Variants in DNAH6 observed in about 807,000 individuals in gnomAD.
DNAH6 encodes dynein axonemal heavy chain 6, also known as axonemal beta dynein heavy chain 6.
DNAH6 carries 340 observed loss-of-function variants against 491.4 expected under a neutral mutation model. The observed-to-expected ratio is 0.69, with a 90% CI of 0.63 to 0.76. DNAH6 has a LOEUF of 0.76. DNAH6 is among the 30% of genes least tolerant of loss of function. The pLI, the probability that DNAH6 is intolerant of heterozygous loss-of-function variation, is 0.00. For missense variants in DNAH6, 4,443 were observed against 4,972.2 expected (o/e 0.89, Z 3.20); for synonymous variants, 1,603 against 1,686.1 (o/e 0.95, Z 1.21).
At position 84,529,016 on chromosome 2, in the gene DNAH6, C is replaced by G. The variant is rs1401952433; in HGVS notation, c.512C>G (p.Thr171Ser). The G allele has an allele frequency of 1.3e-6, 2 of 1,551,384 alleles. No homozygotes were observed. The highest frequency in any genetic ancestry group is 1.7e-6 in the Non-Finnish European group (2 of 1,146,782). The change falls in exon 4 of 77, where the codon ACT (threonine) becomes AGT (serine). Residue 171 changes from threonine (T) to serine (S), a missense_variant. By Grantham distance (58) the Thr-to-Ser change is moderately conservative (BLOSUM62 1). Transcript: ENST00000389394. Reference protein sequence around the residue: ...GTRSSAYPKYTFHDREEVVKA... With the variant: ...GTRSSAYPKYSFHDREEVVKA... ...AGATCTTCAGCTTACCCTAAGTACACTTTTCACGACCGAGAAGAAGTTGTT... is the reference window on the plus strand; with the variant it reads ...AGATCTTCAGCTTACCCTAAGTACAGTTTTCACGACCGAGAAGAAGTTGTT...
At chr2:84,479,068 A>T in the DNAH6 span, among the ~76,000 whole-genome samples, 1 of 151,894 alleles carries the variant, frequency 6.6e-6, no homozygotes, top group Admixed American at 6.5e-5. Flanking sequence ...CTCTGATGCT[A>T]CGCCATCAAG....
chr2:84,519,641 C>T (rs1675946202), intron 2 of DNAH6, among the ~76,000 whole-genome samples: 4 of 149,728 alleles, frequency 2.7e-5, no homozygotes, highest in African/African-American at 9.8e-5. Context: ...TCTTTCCCCT[C>T]CTCTTCCTTC....
rs937485166 is a variant in DNAH6 at position 84,668,212 on chromosome 2, A to T, written c.6085-1077A>T. On this transcript the variant is annotated intron_variant, in intron 37 of 76. Coordinates refer to ENST00000389394, the MANE Select transcript of DNAH6 (RefSeq NM_001370.2). ...TACGTAATAAACTTGCACGTTGTGC[A>T]CATGTACCCTAGAACTTAAAGTATA... Among the ~76,000 whole-genome samples, 65 of 152,268 alleles carry T rather than the reference A, an allele frequency of 4.3e-4. 1 individual carries two copies. The highest frequency in any genetic ancestry group is 1.4e-3 in the African/African-American group (60 of 41,476).
At chr2:84,536,814 T>G (rs1176670115) in intron 4 of DNAH6, among the ~76,000 whole-genome samples, 4 of 152,020 alleles carry the variant, frequency 2.6e-5, no homozygotes, top group Non-Finnish European at 5.9e-5. Flanking sequence ...ATGATGTAGC[T>G]ACTTCAAAAA....
Position 84,756,511 on chromosome 2 carries a change from G to C in DNAH6, c.10513-6244G>C, listed in dbSNP as rs150058979. ...ATGATGCTAAGAAGTGTAAGGACAA[G>C]GGTTCTATCATAATGCACAATTTCA... is the stretch of plus-strand genomic sequence containing the variant. On this transcript the variant is annotated intron_variant, in intron 63 of 76. Transcript: ENST00000389394. 5.2e-3 allele frequency among the ~76,000 whole-genome samples: 788 copies of C among 152,254 alleles called. 8 individuals are homozygous for C. Among genetic ancestry groups the C allele is most frequent in the African/African-American group, 0.018 (748 of 41,536 alleles).
At position 84,604,910 on chromosome 2, in the gene DNAH6, T is replaced by C. The variant is rs148051921; in HGVS notation, c.3081+359T>C. 1.2e-3 allele frequency among the ~76,000 whole-genome samples: 178 copies of C among 152,348 alleles called. 1 individual carries two copies. The highest frequency in any genetic ancestry group is 4.0e-3 in the African/African-American group (168 of 41,584). ...ATTAAGATTTTCCTAGTTATGATAC[T>C]ATCTCCTTACCCCAAAAATATATAC... is the stretch of plus-strand genomic sequence containing the variant. On this transcript the variant is annotated intron_variant, in intron 19 of 76. Coordinates refer to ENST00000389394, the MANE Select transcript of DNAH6 (RefSeq NM_001370.2).
intron 68 of DNAH6, among the ~76,000 whole-genome samples, chr2:84,792,190 G>C (rs1336777378): frequency 6.6e-6 from 1 of 152,160 alleles, no homozygotes; most frequent in Non-Finnish European, 1.5e-5. Flanking sequence ...AAGTCTAGAA[G>C]TAGACAAGAG....
chr2:84,483,374 G>C, the DNAH6 span, among the ~76,000 whole-genome samples: 1 of 152,146 alleles, frequency 6.6e-6, no homozygotes, highest in African/African-American at 2.4e-5. Context: ...TCAAAGCCTT[G>C]ATATTCCTCC....
At chr2:84,654,191 A>T (rs1202585379) in intron 34 of DNAH6, among the ~76,000 whole-genome samples, 1 of 152,146 alleles carries the variant, frequency 6.6e-6, no homozygotes, top group Non-Finnish European at 1.5e-5. Context: ...ATTAAAAATT[A>T]TTGCATTTAA....
intron 64 of DNAH6, among the ~76,000 whole-genome samples, chr2:84,766,652 T>TG (rs1388221048): frequency 6.6e-6 from 1 of 152,170 alleles, no homozygotes; most frequent in Non-Finnish European, 1.5e-5. Flanking sequence ...AATATATGTT[T>TG]GAAGGTCTGG....
chr2:84,671,569 G>A (rs144172924), intron 39 of DNAH6, among the ~76,000 whole-genome samples: 1,678 of 152,260 alleles, frequency 0.011, 17 homozygotes, highest in Non-Finnish European at 0.015. Context: ...TAGGCAAAGG[G>A]CAACAGATGC....
At chr2:84,600,792 G>T (rs904383603) in intron 18 of DNAH6, among the ~76,000 whole-genome samples, 2 of 151,642 alleles carry the variant, frequency 1.3e-5, no homozygotes, top group African/African-American at 4.8e-5. Context: ...AGTTACTACT[G>T]CCCTTTCCAT....
intron 64 of DNAH6, among the ~76,000 whole-genome samples, chr2:84,766,524 A>G (rs186315072): frequency 6.6e-6 from 1 of 152,216 alleles, no homozygotes; most frequent in East Asian, 1.9e-4. Flanking sequence ...GTAATGTGGC[A>G]CTTAGAGGTA....
chr2:84,601,595 G>A (rs969125012), intron 18 of DNAH6, among the ~76,000 whole-genome samples: 17 of 151,340 alleles, frequency 1.1e-4, no homozygotes, highest in Non-Finnish European at 2.2e-4. Flanking sequence ...ACTTATCTGT[G>A]TTTTTATATT....
At chr2:84,601,772 A>G (rs2365444) in intron 18 of DNAH6, among the ~76,000 whole-genome samples, 130,762 of 151,798 alleles carry the variant, frequency 0.86, 57,118 homozygotes, top group East Asian at 0.99. Context: ...TATTCTATTG[A>G]TTCTTTGTTT....
intron 37 of DNAH6, among the ~76,000 whole-genome samples, chr2:84,659,385 G>A (rs1349605512): frequency 1.3e-5 from 2 of 152,044 alleles, no homozygotes; most frequent in Non-Finnish European, 1.5e-5. Flanking sequence ...AGATGTATAA[G>A]TATATAAAAA....
chr2:84,785,068 G>T (rs1677051064), intron 66 of DNAH6, among the ~76,000 whole-genome samples: 2 of 152,178 alleles, frequency 1.3e-5, no homozygotes, highest in Admixed American at 1.3e-4. Context: ...GGTACAGAGT[G>T]ATAAGAAGAG....
At chr2:84,464,987 C>T in the DNAH6 span, among the ~76,000 whole-genome samples, 3 of 152,064 alleles carry the variant, frequency 2.0e-5, 1 homozygote, top group Non-Finnish European at 2.9e-5. Context: ...TATAAGAGAA[C>T]CCTTAATTCT....
intron 11 of DNAH6, among the ~76,000 whole-genome samples, chr2:84,563,560 T>G (rs975073643): frequency 2.6e-5 from 4 of 152,146 alleles, no homozygotes; most frequent in African/African-American, 7.2e-5. Context: ...AGGTTGTTTT[T>G]TGCTTGTTGA....
Sources: allele counts gnomAD v4.1 joint callset (sites outside exome capture counted in the v4.1 genomes callset), GRCh38; gene constraint gnomAD v4.1.1; transcripts MANE v1.5; gene names NCBI Gene and HGNC (gene_info 2026-07-23, HGNC 2026-07-21).